Variants in PANX1 observed in about 807,000 individuals in gnomAD.
PANX1 encodes the protein pannexin 1.
A neutral mutation model predicts 38.7 loss-of-function variants in PANX1; 30 were observed. The observed-to-expected ratio is 0.78, with a 90% CI of 0.58 to 1.05. The LOEUF (loss-of-function observed/expected upper bound fraction) is 1.05. PANX1 is among the 50% of genes least tolerant of loss of function. PANX1 has a pLI of 0.00. For missense variants in PANX1, 551 were observed against 517.2 expected (o/e 1.07, Z -0.63); for synonymous variants, 230 against 212.2 (o/e 1.08, Z -0.73).
rs1322816497 is a variant in PANX1 at position 94,181,623 on chromosome 11, C to T, written c.*754C>T. On this transcript the variant is annotated 3_prime_UTR_variant, in exon 5 of 5. Transcript: ENST00000227638. ...AGCCCAGTGGGGAAATCTGACATCA[C>T]AGAAGACATTAATTCAGTCACTTTC... The T allele has an allele frequency of 6.6e-6, 1 of 152,224 alleles. No individual in the cohort carries two copies. The highest frequency in any genetic ancestry group is 1.5e-5 in the Non-Finnish European group (1 of 68,028). 9.4% of individuals were successfully genotyped at this position (152,224 alleles called of 1,614,324 possible).
Position 94,153,560 on chromosome 11 carries a change from GC to G in PANX1, c.252del (p.Trp85GlyfsTer55). 1 of 1,614,066 alleles carries G rather than the reference GC, an allele frequency of 6.2e-7. No individual in the cohort carries two copies. Among genetic ancestry groups the G allele is most frequent in the Non-Finnish European group, 8.5e-7 (1 of 1,179,994 alleles). ...WRQAAFVDSY[C>X]WAAVQQKNSL... ...CAGGCTGCCTTTGTGGATTCATATT[GC>G]TGGGCGGCTGTTCAGCAGAAGAACT... On this transcript the variant is annotated frameshift_variant, in exon 2 of 5. Coordinates refer to ENST00000227638, the MANE Select transcript of PANX1 (RefSeq NM_015368.4). LOFTEE classifies it high-confidence loss of function.
rs1056892761 is a variant in PANX1, at chr11:94,128,916, C to T, written c.-397C>T. On this transcript the variant is annotated 5_prime_UTR_variant, in exon 1 of 5. Coordinates refer to ENST00000227638, the MANE Select transcript of PANX1 (RefSeq NM_015368.4). ...GAGCGCAGGGCTATCCCGGCGGCCG[C>T]TTCGGCAGCCAGGGCGGCGCGGAGG... 6.4e-6 allele frequency: 1 copy of T among 157,006 alleles called. No individual in the cohort carries two copies. The highest frequency in any genetic ancestry group is 2.4e-5 in the African/African-American group (1 of 41,604). The allele number at this position is 157,006 out of a possible 1,614,324, so 9.7% of individuals were successfully genotyped here.
In PANX1 at chr11:94,172,049, G is replaced by A. The variant is rs144095821; in HGVS notation, c.322-6320G>A. 8.6e-5 allele frequency among the ~76,000 whole-genome samples: 13 copies of A among 150,302 alleles called. No homozygotes were observed. The East Asian group carries it at 2.5e-3, about 29-fold the overall frequency. On this transcript the variant is annotated intron_variant, in intron 2 of 4. Transcript: ENST00000227638. ...AAGAAAAACAAGAACAAAATTAGGA[G>A]AGTGGGCAAATCTTTATTTCTCTTA...
intron 2 of PANX1, chr11:94,175,700 C>G: frequency 2.1e-6 from 2 of 969,370 alleles, no homozygotes; most frequent in South Asian, 4.8e-5. Flanking sequence ...CTAATGGGCA[C>G]CCTTCTGATT....
At chr11:94,145,615 A>C (rs1019057894) in intron 1 of PANX1, among the ~76,000 whole-genome samples, 2 of 152,218 alleles carry the variant, frequency 1.3e-5, no homozygotes, top group African/African-American at 4.8e-5. Context: ...CTGTATCTTC[A>C]TACCATCTCC....
intron 2 of PANX1, among the ~76,000 whole-genome samples, chr11:94,170,632 G>A (rs1233489161): frequency 6.6e-6 from 1 of 151,750 alleles, no homozygotes; most frequent in East Asian, 1.9e-4. Flanking sequence ...GAGCAGACTC[G>A]GGACTGTTAA....
intron 1 of PANX1, among the ~76,000 whole-genome samples, chr11:94,136,762 C>T (rs1946697898): frequency 6.6e-6 from 1 of 151,410 alleles, no homozygotes; most frequent in Admixed American, 6.6e-5. Context: ...AGCGAGACTC[C>T]GTCTCAAAAA....
intron 1 of PANX1, among the ~76,000 whole-genome samples, chr11:94,133,422 T>G (rs1946653316): frequency 6.6e-6 from 1 of 152,054 alleles, no homozygotes; most frequent in Non-Finnish European, 1.5e-5. Flanking sequence ...ACTTTGGTAG[T>G]CTTTGCGGCA....
intron 1 of PANX1, among the ~76,000 whole-genome samples, chr11:94,134,392 C>T (rs1237420979): frequency 2.6e-5 from 4 of 152,176 alleles, no homozygotes; most frequent in Non-Finnish European, 5.9e-5. Context: ...GATTGCATGA[C>T]GTGACCTTCA....
rs747545904 is a variant in PANX1 at position 94,141,863 on chromosome 11, A to T, written c.182-11628A>T. Among the ~76,000 whole-genome samples, 318 of 152,262 alleles carry T rather than the reference A, an allele frequency of 2.1e-3. 3 individuals carry two copies. Among genetic ancestry groups the T allele is most frequent in the Non-Finnish European group, 8.7e-4 (59 of 68,012 alleles). ...ATTCTCACCTGTGTCACAGGGTGAGAATTAAATAAATTAGCGCTCGAAGCA... is the reference window on the plus strand; with the variant it reads ...ATTCTCACCTGTGTCACAGGGTGAGTATTAAATAAATTAGCGCTCGAAGCA... On this transcript the variant is annotated intron_variant, in intron 1 of 4. Transcript: ENST00000227638.
At chr11:94,176,788 A>G (rs1947237238) in intron 2 of PANX1, among the ~76,000 whole-genome samples, 1 of 151,702 alleles carries the variant, frequency 6.6e-6, no homozygotes, top group Non-Finnish European at 1.5e-5. Context: ...GATTGGAAAA[A>G]GATGTCTCTG....
chr11:94,173,421 C>T (rs770394772), intron 2 of PANX1, among the ~76,000 whole-genome samples: 4 of 151,606 alleles, frequency 2.6e-5, no homozygotes, highest in Admixed American at 6.6e-5. Context: ...CAGACCAGGG[C>T]GTTTTGACTG....
chr11:94,180,096 G>T lies in PANX1; in HGVS notation c.1040G>T (p.Cys347Phe), dbSNP rs1212949833. Reference protein sequence around the residue: ...ENISEVKSYKCLKVLENIKSS... With the variant: ...ENISEVKSYKFLKVLENIKSS... ...ATAAGTGAGGTCAAGTCATACAAGT[G>T]TCTTAAGGTACTGGAGAATATTAAG... is the stretch of plus-strand genomic sequence containing the variant. Residue 347 changes from cysteine (C) to phenylalanine (F), a missense_variant, in exon 4 of 5, where the codon TGT (cysteine) becomes TTT (phenylalanine). By Grantham distance (205) the Cys-to-Phe change is radical. Transcript: ENST00000227638. 1 of 1,613,952 alleles carries T rather than the reference G, an allele frequency of 6.2e-7. No homozygotes were observed.
At chr11:94,156,428 T>C (rs1445593562) in intron 2 of PANX1, among the ~76,000 whole-genome samples, 1 of 152,178 alleles carries the variant, frequency 6.6e-6, no homozygotes, top group Non-Finnish European at 1.5e-5. Flanking sequence ...GGGACAGAAA[T>C]TGAAGTCAGG....
intron 2 of PANX1, among the ~76,000 whole-genome samples, chr11:94,159,651 A>G (rs1408685560): frequency 5.3e-5 from 8 of 151,658 alleles, no homozygotes; most frequent in Admixed American, 2.6e-4. Context: ...CGGTCTATCA[A>G]TTTTGTTGAT....
Position 94,178,553 on chromosome 11 carries a change from C to T in PANX1, c.506C>T (p.Ala169Val), listed in dbSNP as rs778521425. 6.2e-7 allele frequency: 1 copy of T among 1,614,022 alleles called. No individual in the cohort carries two copies. Among genetic ancestry groups the T allele is most frequent in the Non-Finnish European group, 8.5e-7 (1 of 1,179,944 alleles). The change falls in exon 3 of 5, where the codon GCC (alanine) becomes GTC (valine). Residue 169 changes from alanine (A) to valine (V), a missense_variant. Ala to Val is a moderately conservative substitution (Grantham distance 64). Coordinates refer to ENST00000227638, the MANE Select transcript of PANX1 (RefSeq NM_015368.4). ...SARDLDMRDG[A>V]CSVPGVTENL... Reference sequence around the variant, plus strand: ...CGTGACCTTGACATGAGAGATGGAGCCTGCTCAGTTCCAGGTGTTACCGAG... The same window carrying T: ...CGTGACCTTGACATGAGAGATGGAGTCTGCTCAGTTCCAGGTGTTACCGAG...
intron 1 of PANX1, among the ~76,000 whole-genome samples, chr11:94,132,952 G>A (rs1946648178): frequency 6.6e-6 from 1 of 152,192 alleles, no homozygotes; most frequent in East Asian, 1.9e-4. Flanking sequence ...AGGTTAGAGA[G>A]AGGGAATGTC....
Position 94,180,274 on chromosome 11 carries a change from GC to G in PANX1, c.1201+18del. 1 of 1,567,114 alleles carries G rather than the reference GC, an allele frequency of 6.4e-7. No homozygotes were observed. The highest frequency in any genetic ancestry group is 8.7e-7 in the Non-Finnish European group (1 of 1,152,270). On this transcript the variant is annotated intron_variant, in intron 4 of 4. Transcript: ENST00000227638. Reference sequence around the variant, plus strand: ...AGCTCCAAGGTAGGGTTTGCTTTTGGCAGAGGCTACGGGAGTCTACCGAGAG... The same window carrying G: ...AGCTCCAAGGTAGGGTTTGCTTTTGGAGAGGCTACGGGAGTCTACCGAGAG...
intron 1 of PANX1, among the ~76,000 whole-genome samples, chr11:94,150,131 A>G (rs1946868361): frequency 6.6e-6 from 1 of 152,132 alleles, no homozygotes; most frequent in South Asian, 2.1e-4. Flanking sequence ...GATGGTGTGT[A>G]TGGGGCATTG....
Sources: gnomAD v4.1 joint callset for allele counts (sites outside exome capture counted in the v4.1 genomes callset) on GRCh38, gnomAD v4.1.1 for gene constraint, MANE v1.5 for transcripts, NCBI Gene and HGNC (gene_info 2026-07-23, HGNC 2026-07-21) for gene names.